CD226: variants seen among roughly 807,000 people sequenced by gnomAD.
CD226 encodes CD226 molecule, also known as CD226 antigen.
In CD226, 24 loss-of-function variants were observed where a neutral mutation model predicts 34.9. The ratio of observed to expected loss-of-function variants is 0.69; its 90% confidence interval spans 0.50 to 0.97. CD226 has a LOEUF of 0.97. Among genes scored for constraint, CD226 ranks in the 50% least tolerant of loss-of-function variants. CD226 has a pLI of 0.00. For synonymous variants in CD226, 148 were observed against 147.4 expected (o/e 1.00, Z -0.03); for missense variants, 397 against 412.7 (o/e 0.96, Z 0.33).
chr18:69,907,878 G>A (rs2055275894), intron 2 of CD226, among the ~76,000 whole-genome samples: 1 of 152,076 alleles, frequency 6.6e-6, no homozygotes, highest in Non-Finnish European at 1.5e-5. Context: ...AAAAAGTTAA[G>A]TATTTGAGAG....
intron 2 of CD226, among the ~76,000 whole-genome samples, chr18:69,912,340 A>G (rs1005682393): frequency 6.6e-6 from 1 of 152,258 alleles, no homozygotes; most frequent in African/African-American, 2.4e-5. Context: ...GCCTTCTTAC[A>G]GGAAGAAATT....
chr18:69,936,037 G>A (rs908162868), intron 2 of CD226, among the ~76,000 whole-genome samples: 2 of 152,174 alleles, frequency 1.3e-5, no homozygotes, highest in East Asian at 1.9e-4. Flanking sequence ...GGTGTCTCAC[G>A]GGGCATAAAG....
chr18:69,946,693 G>A, intron 2 of CD226, 41 bp downstream of exon 2: 2 of 1,292,048 alleles, frequency 1.5e-6, no homozygotes, highest in East Asian at 2.3e-5. Context: ...TGTTGTAAGT[G>A]GATAAAAAGG....
chr18:69,924,630 A>G (rs1047112012), intron 2 of CD226, among the ~76,000 whole-genome samples: 4 of 126,942 alleles, frequency 3.2e-5, no homozygotes, highest in African/African-American at 1.0e-4. Context: ...AAGTGCTTCA[A>G]ATAAAACCCC....
Position 69,896,057 on chromosome 18 carries a change from A to C in CD226, c.383-12T>G, listed in dbSNP as rs201440980. 7 of 1,599,224 alleles carry C rather than the reference A, an allele frequency of 4.4e-6. No homozygotes were observed. The highest frequency in any genetic ancestry group is 2.7e-5 in the African/African-American group (2 of 74,896). On this transcript the variant is annotated splice_polypyrimidine_tract_variant and intron_variant, in intron 2 of 5. Coordinates refer to ENST00000582621, the MANE Select transcript of CD226 (RefSeq NM_001303618.2). The stretch of plus-strand genomic sequence containing the variant: ...TGCCTCAAAACTATCTGAAAAGAAG[A>C]AGCAAATGATTAGATACAGGTTGTC...
intron 2 of CD226, among the ~76,000 whole-genome samples, chr18:69,916,053 G>A (rs919018145): frequency 6.6e-6 from 1 of 151,776 alleles, no homozygotes; most frequent in Non-Finnish European, 1.5e-5. Context: ...TTTTTTGCCT[G>A]TCAATAGATT....
At chr18:69,940,893 T>C (rs1264827412) in intron 2 of CD226, among the ~76,000 whole-genome samples, 2 of 152,122 alleles carry the variant, frequency 1.3e-5, no homozygotes, top group African/African-American at 2.4e-5. Flanking sequence ...GCCCCTTCCA[T>C]CATAAGCCTA....
chr18:69,954,439 T>C (rs1318443311), intron 1 of CD226, among the ~76,000 whole-genome samples: 1 of 151,872 alleles, frequency 6.6e-6, no homozygotes, highest in Non-Finnish European at 1.5e-5. Flanking sequence ...GGGGTCAGGG[T>C]TGGGTAAAGT....
chr18:69,908,691 T>C (rs1041834882), intron 2 of CD226, among the ~76,000 whole-genome samples: 1 of 152,262 alleles, frequency 6.6e-6, no homozygotes, highest in Non-Finnish European at 1.5e-5. Context: ...ACAGCTGTAC[T>C]TTGAAAGGTT....
intron 3 of CD226, among the ~76,000 whole-genome samples, chr18:69,879,950 G>C (rs1222878264): frequency 6.6e-6 from 1 of 152,200 alleles, no homozygotes; most frequent in Non-Finnish European, 1.5e-5. Context: ...TTGTACGTGA[G>C]ATGGCACACA....
rs1568176902 is a variant in CD226, at chr18:69,895,923, G to A, written c.505C>T (p.Gln169Ter). 1.2e-6 allele frequency: 2 copies of A among 1,614,178 alleles called. No homozygotes were observed. The highest frequency in any genetic ancestry group is 1.7e-6 in the Non-Finnish European group (2 of 1,180,044). The change falls in exon 3 of 6, where the codon CAG becomes TAG. Residue 169 changes from glutamine to a stop codon, truncating the protein, a stop_gained. Transcript: ENST00000582621. LOFTEE classifies it high-confidence loss of function. ...GTTAAGAGGTCGATCTGACGGGGCT[G>A]GATCTTTTCCCACCTCACTGCCTGC... ...PVQAVRWEKI[Q>*]PRQIDLLTYC... is the part of the protein sequence containing the mutation.
rs1426781436 is a variant in CD226 at position 69,861,542 on chromosome 18, G to GTATATATATATATA, written c.*2771_*2772insTATATATATATATA. On this transcript the variant is annotated 3_prime_UTR_variant, in exon 6 of 6. Transcript: ENST00000582621. ...TTATCCATCGATATAAATTATATGTGTATATATATATGTATATATATATAT... is the reference window on the plus strand; with the variant it reads ...TTATCCATCGATATAAATTATATGTGTATATATATATATATATATATATATGTATATATATATAT... 1.2e-4 allele frequency: 5 copies of GTATATATATATATA among 41,542 alleles called. No homozygotes were observed. Among genetic ancestry groups the GTATATATATATATA allele is most frequent in the Non-Finnish European group, 3.3e-4 (5 of 15,306 alleles). 2.6% of individuals were successfully genotyped at this position (41,542 alleles called of 1,614,324 possible).
chr18:69,941,042 A>G (rs912860537), intron 2 of CD226, among the ~76,000 whole-genome samples: 3 of 152,238 alleles, frequency 2.0e-5, no homozygotes, highest in African/African-American at 7.2e-5. Context: ...AGAGGGTGCA[A>G]GCCCCAAGCC....
intron 3 of CD226, among the ~76,000 whole-genome samples, chr18:69,874,757 G>A (rs1292131809): frequency 1.5e-4 from 23 of 151,636 alleles, no homozygotes; most frequent in African/African-American, 5.6e-4. Flanking sequence ...GAGAAACTAA[G>A]ACAAATAAGC....
chr18:69,932,488 A>G (rs1437635240), intron 2 of CD226, among the ~76,000 whole-genome samples: 1 of 152,094 alleles, frequency 6.6e-6, no homozygotes, highest in Non-Finnish European at 1.5e-5. Context: ...CTGATCACAC[A>G]TCAAATTTCT....
At chr18:69,932,984 G>A (rs1270141911) in intron 2 of CD226, among the ~76,000 whole-genome samples, 1 of 152,166 alleles carries the variant, frequency 6.6e-6, no homozygotes, top group Non-Finnish European at 1.5e-5. Flanking sequence ...TTAAAGAGCG[G>A]GGAAATGGGA....
At chr18:69,898,272 C>T (rs966416990) in intron 2 of CD226, among the ~76,000 whole-genome samples, 2 of 152,142 alleles carry the variant, frequency 1.3e-5, no homozygotes, top group Non-Finnish European at 2.9e-5. Flanking sequence ...TAAGAGGCAG[C>T]GTGAATGCGT....
At chr18:69,933,244 A>G (rs963482969) in intron 2 of CD226, among the ~76,000 whole-genome samples, 1 of 152,140 alleles carries the variant, frequency 6.6e-6, no homozygotes, top group Non-Finnish European at 1.5e-5. Context: ...GACTTTCACT[A>G]TTTGAAAACT....
intron 2 of CD226, among the ~76,000 whole-genome samples, chr18:69,922,483 G>C (rs778171725): frequency 2.0e-5 from 3 of 152,086 alleles, no homozygotes; most frequent in African/African-American, 4.8e-5. Flanking sequence ...GTCTCACTAT[G>C]TTACCCAGGC....
Sources: allele counts gnomAD v4.1 joint callset (sites outside exome capture counted in the v4.1 genomes callset), GRCh38; gene constraint gnomAD v4.1.1; transcripts MANE v1.5; gene names NCBI Gene and HGNC (gene_info 2026-07-23, HGNC 2026-07-21).